Variants in KCNIP4 observed in about 807,000 individuals in gnomAD.
The protein encoded by KCNIP4 is potassium voltage-gated channel interacting protein 4, also known as Kv channel-interacting protein 4.
A neutral mutation model predicts 34.0 loss-of-function variants in KCNIP4; 12 were observed. The ratio of observed to expected loss-of-function variants is 0.35; its 90% CI spans 0.23 to 0.57. The LOEUF (loss-of-function observed/expected upper bound fraction) is 0.57, where lower values mean the gene tolerates loss of function less well. Ranked by LOEUF, KCNIP4 falls within the 20% of genes least tolerant of loss-of-function variation. KCNIP4 has a pLI of 0.83. For missense variants in KCNIP4, 238 were observed against 311.7 expected, an observed-to-expected ratio of 0.76 and a Z score of 1.78; for synonymous variants, 124 against 102.2, an observed-to-expected ratio of 1.21 and a Z score of -1.29.
intron 3 of KCNIP4, among the ~76,000 whole-genome samples, chr4:20,831,795 A>G (rs77819705): frequency 0.017 from 2,533 of 152,336 alleles, 75 homozygotes; most frequent in African/African-American, 0.058. Flanking sequence ...TTCATTGCAC[A>G]GATTACATGG....
chr4:21,803,116 C>A (rs1458024855), intron 1 of KCNIP4, among the ~76,000 whole-genome samples: 1 of 152,112 alleles, frequency 6.6e-6, no homozygotes, highest in Admixed American at 6.6e-5. Context: ...AATTTTAGTT[C>A]CAGTATATAG....
intron 1 of KCNIP4, among the ~76,000 whole-genome samples, chr4:21,015,842 C>T (rs1431052472): frequency 7.7e-6 from 1 of 129,408 alleles, no homozygotes; most frequent in African/African-American, 2.9e-5. Flanking sequence ...ACAATATATA[C>T]AATATATAAA....
intron 1 of KCNIP4, among the ~76,000 whole-genome samples, chr4:21,327,652 A>C (rs548814432): frequency 6.6e-6 from 1 of 152,060 alleles, no homozygotes; most frequent in African/African-American, 2.4e-5. Flanking sequence ...CTCTCTCTCT[A>C]TATCTCCTCT....
At chr4:21,186,050 C>T (rs1298141532) in intron 1 of KCNIP4, among the ~76,000 whole-genome samples, 1 of 152,150 alleles carries the variant, frequency 6.6e-6, no homozygotes. Flanking sequence ...AATAACCTAC[C>T]TCTTATTTCC....
intron 4 of KCNIP4, 74 bp downstream of exon 4, chr4:20,758,747 G>T: frequency 1.8e-6 from 2 of 1,121,962 alleles, no homozygotes; most frequent in South Asian, 1.3e-5. Context: ...ATCATGCTAT[G>T]AAAAATTAAA....
chr4:21,017,069 C>T (rs1739608635), intron 1 of KCNIP4, among the ~76,000 whole-genome samples: 1 of 152,122 alleles, frequency 6.6e-6, no homozygotes, highest in South Asian at 2.1e-4. Flanking sequence ...AAGTGTTTTC[C>T]AAACTTCAAG....
At chr4:21,090,723 G>T (rs1354078075) in intron 1 of KCNIP4, among the ~76,000 whole-genome samples, 1 of 152,050 alleles carries the variant, frequency 6.6e-6, no homozygotes, top group Non-Finnish European at 1.5e-5. Context: ...TGCAAATGTG[G>T]ACCTCAATAT....
chr4:21,904,631 G>T (rs961329341), intron 1 of KCNIP4, among the ~76,000 whole-genome samples: 1 of 152,202 alleles, frequency 6.6e-6, no homozygotes, highest in Non-Finnish European at 1.5e-5. Flanking sequence ...AACTTTCTAA[G>T]TCTATTTCCT....
At chr4:21,728,995 A>T (rs1715396655) in intron 1 of KCNIP4, among the ~76,000 whole-genome samples, 1 of 152,190 alleles carries the variant, frequency 6.6e-6, no homozygotes, top group South Asian at 2.1e-4. Context: ...GTGAGCATGC[A>T]CACATGCACG....
chr4:21,636,573 T>G (rs115659129), intron 1 of KCNIP4, among the ~76,000 whole-genome samples: 1 of 152,138 alleles, frequency 6.6e-6, no homozygotes, highest in South Asian at 2.1e-4. Flanking sequence ...TGGCAGACAA[T>G]GAAGTGTAAT....
At chr4:21,480,158 A>G (rs1731304916) in intron 1 of KCNIP4, among the ~76,000 whole-genome samples, 1 of 151,912 alleles carries the variant, frequency 6.6e-6, no homozygotes, top group Non-Finnish European at 1.5e-5. Flanking sequence ...TTCATAACCT[A>G]TTGCATCCTA....
At chr4:21,326,315 C>T (rs975893101) in intron 1 of KCNIP4, among the ~76,000 whole-genome samples, 2 of 151,170 alleles carry the variant, frequency 1.3e-5, no homozygotes, top group South Asian at 2.1e-4. Context: ...TACATATACG[C>T]ACACATATTT....
At chr4:21,629,535 C>T (rs1387060539) in intron 1 of KCNIP4, among the ~76,000 whole-genome samples, 1 of 152,144 alleles carries the variant, frequency 6.6e-6, no homozygotes, top group African/African-American at 2.4e-5. Flanking sequence ...AGAACAGTAG[C>T]TGAAGGATTT....
intron 1 of KCNIP4, among the ~76,000 whole-genome samples, chr4:21,099,467 G>A (rs1747751505): frequency 6.6e-6 from 1 of 152,062 alleles, no homozygotes; most frequent in Non-Finnish European, 1.5e-5. Flanking sequence ...TGTCAAGGAG[G>A]TGGGGGAAGG....
At chr4:21,083,583 T>G (rs1212851175) in intron 1 of KCNIP4, among the ~76,000 whole-genome samples, 1 of 151,664 alleles carries the variant, frequency 6.6e-6, no homozygotes, top group Non-Finnish European at 1.5e-5. Context: ...ATGAGATCAC[T>G]GAGTCAGAGA....
intron 1 of KCNIP4, among the ~76,000 whole-genome samples, chr4:21,727,239 G>T (rs764470266): frequency 2.0e-5 from 3 of 152,102 alleles, no homozygotes; most frequent in Non-Finnish European, 4.4e-5. Context: ...CTTATACAAC[G>T]TTTGAAGGAG....
intron 1 of KCNIP4, among the ~76,000 whole-genome samples, chr4:21,599,085 T>A (rs1016751597): frequency 6.6e-6 from 1 of 152,100 alleles, no homozygotes; most frequent in South Asian, 2.1e-4. Context: ...TTGAGCATCC[T>A]TGCAACACTA....
intron 4 of KCNIP4, among the ~76,000 whole-genome samples, chr4:20,755,937 G>A (rs1754388093): frequency 6.6e-6 from 1 of 152,062 alleles, no homozygotes. Context: ...AGGGACAAGA[G>A]ACAGTAGCCA....
chr4:21,651,602 T>C (rs921187221), intron 1 of KCNIP4, among the ~76,000 whole-genome samples: 5 of 152,214 alleles, frequency 3.3e-5, no homozygotes, highest in African/African-American at 1.2e-4. Flanking sequence ...TGAAATATGA[T>C]GAATGCTGAA....
Sources: gnomAD v4.1 joint callset for allele counts (sites outside exome capture counted in the v4.1 genomes callset) on GRCh38, gnomAD v4.1.1 for gene constraint, MANE v1.5 for transcripts, NCBI Gene and HGNC (gene_info 2026-07-23, HGNC 2026-07-21) for gene names.